Variants in PDS5B observed in about 807,000 individuals in gnomAD.
PDS5B encodes the protein sister chromatid cohesion protein PDS5 homolog B.
Under a neutral mutation model 184.1 loss-of-function variants are expected in PDS5B, and 51 were observed. The ratio of observed to expected loss-of-function variants is 0.28; its 90% CI spans 0.22 to 0.35. The LOEUF is 0.35. PDS5B is among the 10% of genes least tolerant of loss of function. The probability of loss-of-function intolerance (pLI) is 1.00; values close to 1 mark genes in which losing one functional copy is unlikely to be tolerated. For synonymous variants in PDS5B, 566 were observed against 569.2 expected (o/e 0.99, Z 0.08); for missense variants, 1,180 against 1,723.3 (o/e 0.68, Z 5.58).
intron 19 of PDS5B, among the ~76,000 whole-genome samples, chr13:32,717,067 G>A (rs1226955151): frequency 7.6e-6 from 1 of 130,758 alleles, no homozygotes; most frequent in Non-Finnish European, 1.7e-5. Flanking sequence ...GGAGGGAGGT[G>A]GGGGGGTCAG....
intron 19 of PDS5B, among the ~76,000 whole-genome samples, chr13:32,711,322 A>G (rs773180816): frequency 6.6e-6 from 1 of 151,414 alleles, no homozygotes. Flanking sequence ...GAAACCTACT[A>G]AAATTTTATA....
At chr13:32,719,781 G>A (rs924303521) in intron 19 of PDS5B, among the ~76,000 whole-genome samples, 1 of 141,492 alleles carries the variant, frequency 7.1e-6, no homozygotes, top group Non-Finnish European at 1.5e-5. Context: ...AATGTATAAA[G>A]ACCCCCCCCC....
At chr13:32,644,291 A>G (rs2140636328) in intron 1 of PDS5B, among the ~76,000 whole-genome samples, 1 of 152,340 alleles carries the variant, frequency 6.6e-6, no homozygotes, top group African/African-American at 2.4e-5. Context: ...TTCTTGACAT[A>G]TGATAGAAAT....
intron 2 of PDS5B, chr13:32,650,034 C>G (rs1187083592): frequency 2.0e-5 from 3 of 152,122 alleles, no homozygotes; most frequent in African/African-American, 7.2e-5. Context: ...TGTTGAGAAA[C>G]TAATCTTGAA....
At chr13:32,753,293 G>C in intron 24 of PDS5B, 39 bp from the exon 25 acceptor site, 1 of 1,526,168 alleles carries the variant, frequency 6.6e-7, no homozygotes, top group Non-Finnish European at 9.0e-7. Context: ...ACTCTTTGCT[G>C]CCATTTGAAT....
At chr13:32,726,205 C>T (rs575807108) in intron 19 of PDS5B, among the ~76,000 whole-genome samples, 1 of 150,002 alleles carries the variant, frequency 6.7e-6, no homozygotes, top group African/African-American at 2.4e-5. Context: ...TATGTATGCA[C>T]ATTTGATAAA....
intron 19 of PDS5B, among the ~76,000 whole-genome samples, chr13:32,716,985 C>T (rs1334574572): frequency 5.9e-5 from 7 of 118,598 alleles, no homozygotes; most frequent in South Asian, 2.9e-4. Context: ...GTCAGTCCCC[C>T]GCCCGGCCAG....
At position 32,770,468 on chromosome 13, in the gene PDS5B, AGAG is replaced by A. The variant is rs776894331; in HGVS notation, c.3981_3983del (p.Glu1331del). 26 of 1,612,742 alleles carry A rather than the reference AGAG, an allele frequency of 1.6e-5. No homozygotes were observed. The highest frequency in any genetic ancestry group is 2.0e-5 in the Non-Finnish European group (24 of 1,179,756). Reference sequence around the variant, plus strand: ...AAAAAAAATCTGGACCTCCAGCACCAGAGGAGGAGGAAGAAGAAGAAAGACAAA... The same window carrying A: ...AAAAAAAATCTGGACCTCCAGCACCAGAGGAGGAAGAAGAAGAAAGACAAA... On this transcript the variant is annotated inframe_deletion, in exon 32 of 35. Transcript: ENST00000315596.
intron 11 of PDS5B, among the ~76,000 whole-genome samples, chr13:32,684,849 C>G (rs112129724): frequency 0.038 from 5,831 of 152,220 alleles, 352 homozygotes; most frequent in African/African-American, 0.13. Context: ...TGCAGTAGCT[C>G]ACATCTGTAA....
intron 19 of PDS5B, among the ~76,000 whole-genome samples, chr13:32,722,450 T>C (rs1280286984): frequency 6.6e-6 from 1 of 152,216 alleles, no homozygotes; most frequent in East Asian, 1.9e-4. Context: ...TTTACCACTG[T>C]GTTATAATTG....
chr13:32,653,078 G>A (rs1950412474), intron 3 of PDS5B, among the ~76,000 whole-genome samples: 2 of 152,126 alleles, frequency 1.3e-5, no homozygotes, highest in Non-Finnish European at 2.9e-5. Flanking sequence ...CCGATCACCT[G>A]AGGTCAGGAG....
chr13:32,689,415 T>C (rs188224529), intron 13 of PDS5B: 4 of 152,276 alleles, frequency 2.6e-5, no homozygotes, highest in African/African-American at 9.6e-5. Context: ...CATTTTTTTT[T>C]CCTACCTGCT....
chr13:32,759,915 C>T (rs1319658187), intron 29 of PDS5B, among the ~76,000 whole-genome samples: 1 of 151,810 alleles, frequency 6.6e-6, no homozygotes, highest in Non-Finnish European at 1.5e-5. Flanking sequence ...TCCTAGGAGA[C>T]CTGATTCTTA....
In PDS5B at chr13:32,683,984, C is replaced by A; in HGVS notation, c.1164C>A (p.His388Gln). Residue 388 changes from histidine to glutamine, a missense_variant, in exon 11 of 35, where the codon CAC (histidine) becomes CAA (glutamine). Physicochemically the swap from His to Gln is conservative, Grantham distance 24. Around this residue, in one of 11 missense-constraint regions of PDS5B, gnomAD observed 475 missense variants for 691.5 expected, o/e 0.69. Coordinates refer to ENST00000315596, the MANE Select transcript of PDS5B (RefSeq NM_015032.4). ...AGGATATTCTTCTGGTCAATGATCACTTACTTAATTTTGTGAGAGAGAGAA... is the reference window on the plus strand; with the variant it reads ...AGGATATTCTTCTGGTCAATGATCAATTACTTAATTTTGTGAGAGAGAGAA... The part of the protein sequence containing the change: ...AKKDILLVND[H>Q]LLNFVRERTL... 6.3e-7 allele frequency: 1 copy of A among 1,580,284 alleles called. No homozygotes were observed. Among genetic ancestry groups the A allele is most frequent in the Non-Finnish European group, 8.7e-7 (1 of 1,152,708 alleles).
chr13:32,770,571 G>A lies in PDS5B; in HGVS notation c.4064+11G>A, dbSNP rs750329770. 6.2e-7 allele frequency: 1 copy of A among 1,602,852 alleles called. No individual in the cohort carries two copies. Among genetic ancestry groups the A allele is most frequent in the Non-Finnish European group, 8.5e-7 (1 of 1,176,432 alleles). On this transcript the variant is annotated intron_variant, in intron 32 of 34. Transcript: ENST00000315596. Reference sequence around the variant, plus strand: ...GAGAGCACAGCAGAGGTAAGCATGTGTAACTCTAAACTGCATCTGTTTCGT... The same window carrying A: ...GAGAGCACAGCAGAGGTAAGCATGTATAACTCTAAACTGCATCTGTTTCGT...
intron 23 of PDS5B, among the ~76,000 whole-genome samples, chr13:32,744,458 G>C (rs1003405907): frequency 6.6e-6 from 1 of 152,080 alleles, no homozygotes; most frequent in African/African-American, 2.4e-5. Context: ...TCCTATTTAA[G>C]CAAAAGTGAT....
intron 3 of PDS5B, among the ~76,000 whole-genome samples, chr13:32,655,358 C>A (rs1368483358): frequency 3.9e-5 from 1 of 25,462 alleles, no homozygotes; most frequent in Non-Finnish European, 6.4e-5. Flanking sequence ...ATGTTCTTTG[C>A]CATATATATA....
intron 3 of PDS5B, among the ~76,000 whole-genome samples, chr13:32,652,813 A>C (rs917198751): frequency 1.3e-5 from 2 of 152,030 alleles, no homozygotes; most frequent in African/African-American, 4.8e-5. Flanking sequence ...TACAAAAGAC[A>C]TGTGGTACTT....
intron 1 of PDS5B, among the ~76,000 whole-genome samples, chr13:32,604,152 C>G (rs971806712): frequency 2.0e-5 from 3 of 152,138 alleles, no homozygotes; most frequent in African/African-American, 7.2e-5. Context: ...CTGTCTTGTG[C>G]CAGTTTTCGA....
Sources: allele counts gnomAD v4.1 joint callset (sites outside exome capture counted in the v4.1 genomes callset), GRCh38; gene constraint gnomAD v4.1.1; regional missense constraint gnomAD v4.1.1; transcripts MANE v1.5; gene names NCBI Gene and HGNC (gene_info 2026-07-23, HGNC 2026-07-21).